The following SCO1 variants were observed in gnomAD, a reference collection of about 807,000 sequenced individuals.
SCO1 encodes synthesis of cytochrome C oxidase 1.
In SCO1, 23 loss-of-function variants were observed where a neutral mutation model predicts 34.0. The ratio of observed to expected loss-of-function variants is 0.68; its 90% CI spans 0.49 to 0.96. The LOEUF (loss-of-function observed/expected upper bound fraction) is 0.96, where lower values mean the gene tolerates loss of function less well. Ranked by LOEUF, SCO1 falls within the 40% of genes least tolerant of loss-of-function variation. The pLI, the probability that SCO1 is intolerant of heterozygous loss-of-function variation, is 0.00. For missense variants in SCO1, 404 were observed against 381.6 expected (o/e 1.06, Z -0.49); for synonymous variants, 161 against 145.5 (o/e 1.11, Z -0.77).
intron 1 of SCO1, among the ~76,000 whole-genome samples, chr17:10,696,131 C>T (rs2074723479): frequency 6.9e-6 from 1 of 145,196 alleles, no homozygotes; most frequent in Non-Finnish European, 1.5e-5. Context: ...ATGTGTGACC[C>T]TAGCTCCAGT....
At chr17:10,686,123 T>C (rs1435121615) in intron 5 of SCO1, among the ~76,000 whole-genome samples, 2 of 152,126 alleles carry the variant, frequency 1.3e-5, no homozygotes, top group African/African-American at 4.8e-5. Context: ...ATGCCTGTAA[T>C]CCCAGCTACG....
At chr17:10,691,800 T>G (rs1441630162) in intron 4 of SCO1, 72 bp downstream of exon 4, 5 of 927,870 alleles carry the variant, frequency 5.4e-6, no homozygotes, top group Non-Finnish European at 8.8e-6. Context: ...CAAGGCACTG[T>G]AAGGTTCAAA....
rs916458710 is a variant in SCO1 at position 10,680,384 on chromosome 17, T to G, written c.*735A>C. On this transcript the variant is annotated 3_prime_UTR_variant, in exon 6 of 6. Coordinates refer to ENST00000255390, the MANE Select transcript of SCO1 (RefSeq NM_004589.4). ...TTACTTTACACAAAGTACAATCCAGTATATGCAGAAAGGTACTCAGCATCA... is the reference window on the plus strand; with the variant it reads ...TTACTTTACACAAAGTACAATCCAGGATATGCAGAAAGGTACTCAGCATCA... 6.5e-6 allele frequency: 1 copy of G among 153,938 alleles called. No homozygotes were observed. Among genetic ancestry groups the G allele is most frequent in the African/African-American group, 2.4e-5 (1 of 41,418 alleles). 9.5% of individuals were successfully genotyped at this position (153,938 alleles called of 1,614,324 possible). A position where few individuals can be genotyped will look rare whatever the true frequency, so the allele number is the denominator to read the frequency against.
intron 4 of SCO1, among the ~76,000 whole-genome samples, chr17:10,688,809 C>G (rs77866971): frequency 0.062 from 9,383 of 152,240 alleles, 502 homozygotes; most frequent in African/African-American, 0.14. Flanking sequence ...GCAGACTAAT[C>G]TTTATCAATA....
intron 4 of SCO1, among the ~76,000 whole-genome samples, chr17:10,690,524 T>A (rs2074683201): frequency 6.6e-6 from 1 of 151,886 alleles, no homozygotes; most frequent in Non-Finnish European, 1.5e-5. Flanking sequence ...TCACCAAAAA[T>A]ACAAAAAAAT....
chr17:10,684,574 G>A (rs2662954), intron 5 of SCO1, among the ~76,000 whole-genome samples: 1 of 152,040 alleles, frequency 6.6e-6, no homozygotes, highest in South Asian at 2.1e-4. Flanking sequence ...AGGCTGTTTG[G>A]GTTTATTTGT....
rs752797529 is a variant in SCO1 at position 10,692,754 on chromosome 17, G to A, written c.562+10C>T. On this transcript the variant is annotated intron_variant, in intron 3 of 5. Coordinates refer to ENST00000255390, the MANE Select transcript of SCO1 (RefSeq NM_004589.4). Reference sequence around the variant, plus strand: ...CATATACTTTGTTTAGTTAGTGATGGCTTTCTTACCTATTTCATCCACGAC... The same window carrying A: ...CATATACTTTGTTTAGTTAGTGATGACTTTCTTACCTATTTCATCCACGAC... 5.8e-5 allele frequency: 94 copies of A among 1,609,454 alleles called. No homozygotes were observed. Among genetic ancestry groups the A allele is most frequent in the Middle Eastern group, 1.6e-4 (1 of 6,076 alleles).
chr17:10,688,745 T>C (rs1470339745), intron 4 of SCO1, among the ~76,000 whole-genome samples: 3 of 152,218 alleles, frequency 2.0e-5, no homozygotes, highest in Non-Finnish European at 4.4e-5. Flanking sequence ...CAAATGTCTA[T>C]AGGTGAACTA....
chr17:10,683,289 T>C (rs1174273035), intron 5 of SCO1, among the ~76,000 whole-genome samples: 4 of 152,186 alleles, frequency 2.6e-5, no homozygotes, highest in East Asian at 1.9e-4. Flanking sequence ...TAACAATATA[T>C]TGGACATTGT....
chr17:10,688,094 GGTTA>G (rs1157288283), intron 4 of SCO1, among the ~76,000 whole-genome samples: 1 of 152,074 alleles, frequency 6.6e-6, no homozygotes, highest in African/African-American at 2.4e-5. Context: ...CGTAACCTTA[GGTTA>G]GTCAAAGATT....
Position 10,679,973 on chromosome 17 carries a change from GTCTCACTAT to G in SCO1, c.*1137_*1145del, listed in dbSNP as rs2074610552. ...GTAGAGATGGGGGCGGGGGGGGGGG[GTCTCACTAT>G]GTTGCCCAGGCTTGTCTTGAATACC... On this transcript the variant is annotated 3_prime_UTR_variant, in exon 6 of 6. Coordinates refer to ENST00000255390, the MANE Select transcript of SCO1 (RefSeq NM_004589.4). The G allele has an allele frequency of 1.1e-5, 1 of 94,230 alleles. No individual in the cohort carries two copies. The highest frequency in any genetic ancestry group is 4.4e-5 in the African/African-American group (1 of 22,624). The allele number at this position is 94,230 out of a possible 1,614,324, so 5.8% of individuals were successfully genotyped here.
intron 2 of SCO1, 54 bp from the exon 3 acceptor site, chr17:10,693,015 G>A: frequency 1.3e-6 from 2 of 1,491,596 alleles, no homozygotes; most frequent in Non-Finnish European, 9.3e-7. Flanking sequence ...TTAACCAGAG[G>A]TACTCAAATA....
At chr17:10,686,028 T>C (rs1252644024) in intron 5 of SCO1, among the ~76,000 whole-genome samples, 2 of 151,856 alleles carry the variant, frequency 1.3e-5, no homozygotes, top group Admixed American at 1.3e-4. Context: ...AGGTCAGGAA[T>C]TCGAGACCCC....
At chr17:10,687,126 G>C (rs2662950) in intron 4 of SCO1, among the ~76,000 whole-genome samples, 11 of 152,170 alleles carry the variant, frequency 7.2e-5, no homozygotes, top group African/African-American at 1.4e-4. Context: ...GATTTTTAAG[G>C]AGTAGTCACA....
At chr17:10,691,356 GGT>G (rs1398548346) in intron 4 of SCO1, among the ~76,000 whole-genome samples, 203 of 152,230 alleles carry the variant, frequency 1.3e-3, no homozygotes, top group African/African-American at 4.7e-3. Flanking sequence ...CCTGACCTCA[GGT>G]GATCCACCCA....
intron 5 of SCO1, among the ~76,000 whole-genome samples, chr17:10,683,215 C>A (rs1253824780): frequency 6.6e-6 from 1 of 152,082 alleles, no homozygotes; most frequent in Non-Finnish European, 1.5e-5. Flanking sequence ...GTGTATATAT[C>A]CACTACCACT....
chr17:10,674,485 G>A lies in SCO1; in HGVS notation c.*6634C>T. 1 of 248,494 alleles carries A rather than the reference G, an allele frequency of 4.0e-6. No homozygotes were observed. Among genetic ancestry groups the A allele is most frequent in the Non-Finnish European group, 7.9e-6 (1 of 126,638 alleles). 15.4% of individuals were successfully genotyped at this position (248,494 alleles called of 1,614,324 possible). On this transcript the variant is annotated 3_prime_UTR_variant, in exon 6 of 6. Coordinates refer to ENST00000255390, the MANE Select transcript of SCO1 (RefSeq NM_004589.4). ...TGTGATTGAGGAGAGCTGGAGTGGA[G>A]CCTGAGAAGCTGCATTTCTGCTAAG...
chr17:10,692,061 A>G, intron 3 of SCO1, 97 bp from the exon 4 acceptor site: 2 of 867,212 alleles, frequency 2.3e-6, no homozygotes, highest in Non-Finnish European at 3.9e-6. Context: ...CTGGACAGCT[A>G]GGTGTTTTGA....
In SCO1 at chr17:10,675,427, T is replaced by C. The variant is rs1450315764; in HGVS notation, c.*5692A>G. On this transcript the variant is annotated 3_prime_UTR_variant, in exon 6 of 6. Transcript: ENST00000255390. ...TCACAGACTTGCTTTCTTTCAAGAC[T>C]GCCTTTTGCAGGGACTCTTTTTCCC... 6.6e-6 allele frequency: 1 copy of C among 152,288 alleles called. No homozygotes were observed. Among genetic ancestry groups the C allele is most frequent in the African/African-American group, 2.4e-5 (1 of 41,476 alleles). The allele number at this position is 152,288 out of a possible 1,614,324, so 9.4% of individuals were successfully genotyped here. A position where few individuals can be genotyped will look rare whatever the true frequency, so the allele number is the denominator to read the frequency against.
Sources: allele counts gnomAD v4.1 joint callset (sites outside exome capture counted in the v4.1 genomes callset), GRCh38; gene constraint gnomAD v4.1.1; transcripts MANE v1.5; gene names NCBI Gene and HGNC (gene_info 2026-07-23, HGNC 2026-07-21).